Variants in CTNNA2 observed in about 807,000 individuals in gnomAD.
CTNNA2 encodes catenin alpha-2.
A neutral mutation model predicts 101.0 loss-of-function variants in CTNNA2; 42 were observed. The observed-to-expected ratio is 0.42, with a 90% CI of 0.32 to 0.54. The LOEUF (loss-of-function observed/expected upper bound fraction) is 0.54, where lower values mean the gene tolerates loss of function less well. CTNNA2 is among the 20% of genes least tolerant of loss of function. The probability of loss-of-function intolerance (pLI) is 0.14; values close to 1 mark genes in which losing one functional copy is unlikely to be tolerated. For missense variants in CTNNA2, 871 were observed against 1,223.1 expected (o/e 0.71, Z 4.29); for synonymous variants, 450 against 456.4 (o/e 0.99, Z 0.18).
chr2:80,192,845 CTT>C (rs1706599214), intron 7 of CTNNA2, among the ~76,000 whole-genome samples: 7 of 152,184 alleles, frequency 4.6e-5, no homozygotes, highest in Admixed American at 4.6e-4. Context: ...GAATCCAACT[CTT>C]TGTTACCCTC....
intron 2 of CTNNA2, among the ~76,000 whole-genome samples, chr2:79,312,131 ACTC>A (rs1268330280): frequency 6.6e-6 from 1 of 151,592 alleles, no homozygotes; most frequent in African/African-American, 2.4e-5. Context: ...CTGCACTAAA[ACTC>A]CTGGCCTCAA....
chr2:80,414,065 A>G (rs1004071810), intron 8 of CTNNA2, among the ~76,000 whole-genome samples: 3 of 152,336 alleles, frequency 2.0e-5, no homozygotes, highest in Admixed American at 1.3e-4. Context: ...GGTTGCTCAG[A>G]CACATAGCCA....
chr2:79,602,878 TC>T (rs1193066130), intron 1 of CTNNA2, among the ~76,000 whole-genome samples: 1 of 152,110 alleles, frequency 6.6e-6, no homozygotes, highest in Non-Finnish European at 1.5e-5. Flanking sequence ...AGATGTCACT[TC>T]CCCAAAGATT....
chr2:80,009,539 A>G (rs761583741), intron 7 of CTNNA2, among the ~76,000 whole-genome samples: 5 of 152,168 alleles, frequency 3.3e-5, no homozygotes, highest in Non-Finnish European at 2.9e-5. Context: ...AGGCATGCAC[A>G]TGTGCACACA....
chr2:79,781,898 C>G (rs1674472108), intron 3 of CTNNA2, among the ~76,000 whole-genome samples: 1 of 152,176 alleles, frequency 6.6e-6, no homozygotes, highest in Non-Finnish European at 1.5e-5. Flanking sequence ...ACAATTTAAA[C>G]TCTACATAAG....
intron 2 of CTNNA2, chr2:79,292,991 A>T (rs892350371): frequency 6.6e-6 from 1 of 152,230 alleles, no homozygotes; most frequent in African/African-American, 2.4e-5. Flanking sequence ...GCAGCCACCC[A>T]TATGTCACCA....
In CTNNA2 at chr2:79,444,633, T is replaced by G. The variant is rs185517370; in HGVS notation, c.-134-60421T>G. Among the ~76,000 whole-genome samples, 6 of 152,206 alleles carry G rather than the reference T, an allele frequency of 3.9e-5. No individual in the cohort carries two copies. The East Asian group carries it at 1.2e-3, about 29-fold the overall frequency. ...GAACCCCCTGGTGGTTTATGAGCAGTTTTTTTCCTGCTCTAATTGGCCTTA... is the reference window on the plus strand; with the variant it reads ...GAACCCCCTGGTGGTTTATGAGCAGGTTTTTTCCTGCTCTAATTGGCCTTA... On this transcript the variant is annotated intron_variant, in intron 4 of 21. Coordinates refer to the CTNNA2 transcript ENST00000466387.
At chr2:80,258,313 A>T (rs935769214) in intron 7 of CTNNA2, among the ~76,000 whole-genome samples, 1 of 152,150 alleles carries the variant, frequency 6.6e-6, no homozygotes, top group African/African-American at 2.4e-5. Context: ...ATTTTTTTGC[A>T]CTTAGGAAGC....
chr2:80,199,405 A>G (rs1179004482), intron 7 of CTNNA2, among the ~76,000 whole-genome samples: 1 of 152,166 alleles, frequency 6.6e-6, no homozygotes, highest in Non-Finnish European at 1.5e-5. Flanking sequence ...GCTGTGACAC[A>G]TTCTTTTTAA....
chr2:80,365,337 C>T (rs967609672), intron 7 of CTNNA2, among the ~76,000 whole-genome samples: 1 of 152,126 alleles, frequency 6.6e-6, no homozygotes, highest in African/African-American at 2.4e-5. Context: ...TGTTGACATG[C>T]TGACAGTGCA....
chr2:79,926,535 G>A (rs918195834), intron 7 of CTNNA2, among the ~76,000 whole-genome samples: 6 of 151,950 alleles, frequency 3.9e-5, no homozygotes, highest in Non-Finnish European at 5.9e-5. Context: ...CAGAACGAAT[G>A]CTTACCCACT....
upstream of CTNNA2, among the ~76,000 whole-genome samples, chr2:79,512,796 C>G (rs899651223): frequency 6.6e-6 from 1 of 151,434 alleles, no homozygotes; most frequent in Non-Finnish European, 1.5e-5. Context: ...TTCGGGCGCT[C>G]CCCAGGCCGC....
chr2:80,321,962 G>A (rs902919800), intron 7 of CTNNA2, among the ~76,000 whole-genome samples: 11 of 150,882 alleles, frequency 7.3e-5, no homozygotes, highest in Non-Finnish European at 1.5e-5. Context: ...ATTTTAAAAA[G>A]GTGTATTAGG....
intron 7 of CTNNA2, among the ~76,000 whole-genome samples, chr2:79,934,705 G>C (rs72807334): frequency 0.027 from 4,076 of 152,264 alleles, 57 homozygotes; most frequent in Non-Finnish European, 0.04. Context: ...TACCAGATGT[G>C]ATATACAGAG....
At chr2:79,503,497 C>G (rs982133936) in intron 4 of CTNNA2, among the ~76,000 whole-genome samples, 1 of 152,118 alleles carries the variant, frequency 6.6e-6, no homozygotes, top group African/African-American at 2.4e-5. Context: ...ACACAATTCC[C>G]TGATCTTACT....
chr2:79,579,227 C>T (rs115717884), intron 1 of CTNNA2, among the ~76,000 whole-genome samples: 1,623 of 147,466 alleles, frequency 0.011, 14 homozygotes, highest in Non-Finnish European at 0.019. Context: ...TCCCTCTATC[C>T]CTTCCCTTCC....
intron 3 of CTNNA2, among the ~76,000 whole-genome samples, chr2:79,823,070 A>T (rs540593885): frequency 6.6e-6 from 1 of 152,140 alleles, no homozygotes; most frequent in Admixed American, 6.6e-5. Context: ...TTCCTTATCA[A>T]CTTTACCTGG....
intron 9 of CTNNA2, among the ~76,000 whole-genome samples, chr2:80,454,767 A>G (rs1225321730): frequency 6.6e-6 from 1 of 152,222 alleles, no homozygotes; most frequent in Non-Finnish European, 1.5e-5. Context: ...TTGAGCTGAC[A>G]TATGGCACAG....
chr2:79,261,686 G>C (rs1231720526), intron 2 of CTNNA2, among the ~76,000 whole-genome samples: 1 of 152,138 alleles, frequency 6.6e-6, no homozygotes, highest in Non-Finnish European at 1.5e-5. Context: ...CAGATCTTTT[G>C]GATTAGGGCC....
Sources: gnomAD v4.1 joint callset for allele counts (sites outside exome capture counted in the v4.1 genomes callset) on GRCh38, gnomAD v4.1.1 for gene constraint, MANE v1.5 for transcripts, NCBI Gene and HGNC (gene_info 2026-07-23, HGNC 2026-07-21) for gene names.